GRIP1: variants seen among roughly 807,000 people sequenced by gnomAD.
GRIP1 encodes glutamate receptor-interacting protein 1.
In GRIP1, 45 loss-of-function variants were observed where a neutral mutation model predicts 129.9. The ratio of observed to expected loss-of-function variants is 0.35; its 90% confidence interval spans 0.27 to 0.44. GRIP1 has a LOEUF of 0.44. GRIP1 is among the 20% of genes least tolerant of loss of function. The pLI is 1.00. For missense variants in GRIP1, 1,196 were observed against 1,396.8 expected, an observed-to-expected ratio of 0.86 and a Z score of 2.29; for synonymous variants, 530 against 520.8, an observed-to-expected ratio of 1.02 and a Z score of -0.24.
At chr12:66,555,681 G>A (rs2139352051) in intron 2 of GRIP1, among the ~76,000 whole-genome samples, 1 of 152,158 alleles carries the variant, frequency 6.6e-6, no homozygotes, top group African/African-American at 2.4e-5. Context: ...ATACAGTGAA[G>A]AAATTCAGAA....
At chr12:66,591,235 T>C (rs961456461) in intron 2 of GRIP1, among the ~76,000 whole-genome samples, 4 of 152,248 alleles carry the variant, frequency 2.6e-5, no homozygotes, top group Non-Finnish European at 4.4e-5. Context: ...GCTATCAGTC[T>C]TGACTTTATA....
At chr12:66,642,012 C>A (rs995380368) in intron 1 of GRIP1, among the ~76,000 whole-genome samples, 2 of 152,064 alleles carry the variant, frequency 1.3e-5, no homozygotes, top group Non-Finnish European at 2.9e-5. Context: ...GCCCTCAGTG[C>A]CAAGTTACAA....
At chr12:66,527,153 T>C (rs2139061900) in intron 5 of GRIP1, among the ~76,000 whole-genome samples, 1 of 147,250 alleles carries the variant, frequency 6.8e-6, no homozygotes, top group East Asian at 2.0e-4. Flanking sequence ...AAATACCATT[T>C]GACCTAGCCA....
At chr12:66,973,056 T>C (rs1165889266) in intron 1 of GRIP1, among the ~76,000 whole-genome samples, 3 of 152,176 alleles carry the variant, frequency 2.0e-5, no homozygotes, top group African/African-American at 7.2e-5. Flanking sequence ...CCCTAGTGCC[T>C]AGGCTTGTTT....
At chr12:66,994,144 A>G (rs2042433043) in intron 1 of GRIP1, among the ~76,000 whole-genome samples, 2 of 152,024 alleles carry the variant, frequency 1.3e-5, no homozygotes, top group African/African-American at 4.8e-5. Context: ...GGAACACAAC[A>G]CAACACATTT....
chr12:66,948,905 G>T (rs916703550), intron 1 of GRIP1, among the ~76,000 whole-genome samples: 1 of 152,012 alleles, frequency 6.6e-6, no homozygotes, highest in African/African-American at 2.4e-5. Flanking sequence ...TTTATTTTAC[G>T]CCTACTTTCA....
chr12:66,866,591 T>C (rs1163059175), intron 1 of GRIP1, among the ~76,000 whole-genome samples: 2 of 152,148 alleles, frequency 1.3e-5, no homozygotes, highest in East Asian at 1.9e-4. Flanking sequence ...ATAACCTAAA[T>C]GAACATTTTC....
intron 1 of GRIP1, among the ~76,000 whole-genome samples, chr12:66,856,249 G>T (rs886626476): frequency 6.6e-6 from 1 of 152,028 alleles, no homozygotes; most frequent in Admixed American, 6.6e-5. Context: ...TTACATGTTA[G>T]AACTAAAACC....
At chr12:66,405,302 C>A (rs528460847) in intron 16 of GRIP1, among the ~76,000 whole-genome samples, 3 of 152,156 alleles carry the variant, frequency 2.0e-5, no homozygotes, top group Admixed American at 6.5e-5. Flanking sequence ...ACTTTACCCA[C>A]GAGATTGGCA....
At chr12:66,927,891 G>A (rs546343439) in intron 1 of GRIP1, among the ~76,000 whole-genome samples, 3 of 152,286 alleles carry the variant, frequency 2.0e-5, no homozygotes, top group African/African-American at 7.2e-5. Flanking sequence ...CATGACCTAT[G>A]TTAGTCAGAC....
intron 1 of GRIP1, among the ~76,000 whole-genome samples, chr12:66,608,323 G>A (rs542269287): frequency 6.6e-6 from 1 of 152,220 alleles, no homozygotes; most frequent in South Asian, 2.1e-4. Context: ...TGTTAGACCA[G>A]AGAGAGGTTT....
At chr12:66,559,003 G>A (rs1193082560) in intron 2 of GRIP1, among the ~76,000 whole-genome samples, 1 of 151,988 alleles carries the variant, frequency 6.6e-6, no homozygotes, top group Non-Finnish European at 1.5e-5. Flanking sequence ...ATTTATCCCA[G>A]GGGTGCAAGG....
At chr12:66,753,347 G>T (rs2136629088) in intron 1 of GRIP1, among the ~76,000 whole-genome samples, 1 of 152,200 alleles carries the variant, frequency 6.6e-6, no homozygotes, top group South Asian at 2.1e-4. Context: ...GCCACTTTTT[G>T]ACTTCCATCT....
chr12:67,028,716 T>C (rs182482168), intron 1 of GRIP1, among the ~76,000 whole-genome samples: 48 of 152,280 alleles, frequency 3.2e-4, no homozygotes, highest in Non-Finnish European at 3.8e-4. Flanking sequence ...GATCTCAAAA[T>C]CAGACAGCAA....
intron 9 of GRIP1, among the ~76,000 whole-genome samples, chr12:66,459,838 T>C (rs1458925688): frequency 1.3e-5 from 2 of 152,232 alleles, no homozygotes; most frequent in Non-Finnish European, 2.9e-5. Context: ...AGTGGTGTAC[T>C]TGATAGGCAA....
In GRIP1 at chr12:66,445,486, T is replaced by C. The variant is rs778434132; in HGVS notation, c.1377A>G (p.Val459=). 6.8e-6 allele frequency: 11 copies of C among 1,613,722 alleles called. No individual in the cohort carries two copies. In the Admixed American group the frequency reaches 1.5e-4, roughly 22 times the overall value. Residue 459 remains valine (V), a synonymous_variant, in exon 12 of 25, where the codon GTA becomes GTG. Coordinates refer to ENST00000359742, the MANE Select transcript of GRIP1 (RefSeq NM_001366722.1). Reference sequence around the variant, plus strand: ...TGTGAACAACCTGCCCAGCCAATCCTACTGTGCTGGAGGCTAAGGACACTA... The same window carrying C: ...TGTGAACAACCTGCCCAGCCAATCCCACTGTGCTGGAGGCTAAGGACACTA... The part of the protein sequence containing the change: ...KSSLSLASST[V]GLAGQVVHTE...
intron 7 of GRIP1, among the ~76,000 whole-genome samples, chr12:66,485,946 G>A (rs1361829323): frequency 1.3e-5 from 2 of 151,954 alleles, no homozygotes; most frequent in Admixed American, 6.6e-5. Flanking sequence ...ATGTGTGTGT[G>A]TTTTCTGGAC....
intron 1 of GRIP1, among the ~76,000 whole-genome samples, chr12:66,714,434 T>C (rs1465746504): frequency 6.6e-6 from 1 of 152,034 alleles, no homozygotes; most frequent in Non-Finnish European, 1.5e-5. Flanking sequence ...GCCAGATATG[T>C]CTTTTAAGTC....
intron 23 of GRIP1, among the ~76,000 whole-genome samples, chr12:66,358,196 A>G (rs2054583979): frequency 6.6e-6 from 1 of 152,204 alleles, no homozygotes; most frequent in South Asian, 2.1e-4. Flanking sequence ...CGCCCAGCCT[A>G]TTCAACGCAT....
Sources: gnomAD v4.1 joint callset for allele counts (sites outside exome capture counted in the v4.1 genomes callset) on GRCh38, gnomAD v4.1.1 for gene constraint, MANE v1.5 for transcripts, NCBI Gene and HGNC (gene_info 2026-07-23, HGNC 2026-07-21) for gene names.